CCDC178: variants seen among roughly 807,000 people sequenced by gnomAD.
The protein encoded by CCDC178 is coiled-coil domain containing 178.
In CCDC178, 126 loss-of-function variants were observed where a neutral mutation model predicts 117.4. The ratio of observed to expected loss-of-function variants is 1.07; its 90% CI spans 0.93 to 1.24. The LOEUF (loss-of-function observed/expected upper bound fraction) is 1.24. Ranked by LOEUF, CCDC178 falls within the 50% of genes most tolerant of loss-of-function variation. The pLI is 0.00. For synonymous variants in CCDC178, 283 were observed against 313.4 expected, an observed-to-expected ratio of 0.90 and a Z score of 1.02; for missense variants, 1,030 against 986.9, an observed-to-expected ratio of 1.04 and a Z score of -0.59.
intron 1 of CCDC178, among the ~76,000 whole-genome samples, 195 bp from the exon 2 acceptor site, chr18:33,440,276 C>T (rs2064361185): frequency 1.5e-5 from 2 of 129,262 alleles, no homozygotes; most frequent in South Asian, 2.5e-4. Context: ...GCTTCCCTTC[C>T]CCCGGCAGTG....
At chr18:32,944,292 A>C (rs1391154709) in intron 22 of CCDC178, among the ~76,000 whole-genome samples, 1 of 152,182 alleles carries the variant, frequency 6.6e-6, no homozygotes, top group Non-Finnish European at 1.5e-5. Context: ...ATGAGACCGG[A>C]GATGGAAAAG....
intron 5 of CCDC178, among the ~76,000 whole-genome samples, chr18:33,380,560 C>G (rs1038977637): frequency 3.3e-5 from 5 of 152,198 alleles, no homozygotes. Context: ...CTCCTTCAGC[C>G]TGGGTTGCTC....
chr18:33,010,910 T>C (rs1463717903), intron 21 of CCDC178, among the ~76,000 whole-genome samples: 1 of 152,190 alleles, frequency 6.6e-6, no homozygotes, highest in Admixed American at 6.5e-5. Flanking sequence ...TGTGTTAAGG[T>C]ATTGTAATGA....
intron 20 of CCDC178, among the ~76,000 whole-genome samples, chr18:33,117,523 C>T (rs113110875): frequency 7.1e-4 from 108 of 151,750 alleles, no homozygotes; most frequent in Middle Eastern, 3.4e-3. Context: ...TAAACTGCTT[C>T]GTTTATTGGA....
At chr18:33,013,130 A>G (rs2055907518) in intron 21 of CCDC178, among the ~76,000 whole-genome samples, 1 of 152,132 alleles carries the variant, frequency 6.6e-6, no homozygotes, top group African/African-American at 2.4e-5. Context: ...AATCTAGAAT[A>G]CTTTTATGAG....
intron 21 of CCDC178, among the ~76,000 whole-genome samples, chr18:33,036,909 C>A (rs892567883): frequency 2.0e-5 from 3 of 151,734 alleles, no homozygotes; most frequent in African/African-American, 4.8e-5. Context: ...CTGAGAGAGA[C>A]AATAGATTCA....
intron 2 of CCDC178, among the ~76,000 whole-genome samples, chr18:33,418,261 G>A (rs2063973580): frequency 6.6e-6 from 1 of 152,148 alleles, no homozygotes; most frequent in Admixed American, 6.5e-5. Context: ...AATAGATGCA[G>A]AAAAGGCTTT....
chr18:33,226,109 C>T (rs1338206043), intron 16 of CCDC178, among the ~76,000 whole-genome samples: 2 of 152,166 alleles, frequency 1.3e-5, no homozygotes, highest in South Asian at 2.1e-4. Context: ...TATGGTGAGC[C>T]AAGATCGTGC....
chr18:33,402,434 C>T (rs2063721304), intron 3 of CCDC178, among the ~76,000 whole-genome samples: 2 of 152,132 alleles, frequency 1.3e-5, no homozygotes, highest in South Asian at 2.1e-4. Flanking sequence ...TCCACATTTA[C>T]GATATCGGAG....
chr18:33,179,993 C>A (rs934572972), intron 20 of CCDC178, among the ~76,000 whole-genome samples: 2 of 151,666 alleles, frequency 1.3e-5, no homozygotes, highest in Non-Finnish European at 2.9e-5. Context: ...TTTATAACAC[C>A]AAATTATGGG....
chr18:33,231,941 A>C (rs4633796), intron 15 of CCDC178, among the ~76,000 whole-genome samples: 1 of 151,972 alleles, frequency 6.6e-6, no homozygotes, highest in African/African-American at 2.4e-5. Context: ...TGCTGCCTAC[A>C]TTTGCTATTC....
At chr18:33,054,450 T>C (rs1281915307) in intron 21 of CCDC178, among the ~76,000 whole-genome samples, 1 of 152,152 alleles carries the variant, frequency 6.6e-6, no homozygotes, top group Non-Finnish European at 1.5e-5. Context: ...GGCTGCACTG[T>C]GTGTTGTTCC....
chr18:33,052,892 T>C (rs1003619189), intron 21 of CCDC178, among the ~76,000 whole-genome samples: 1 of 152,210 alleles, frequency 6.6e-6, no homozygotes, highest in Non-Finnish European at 1.5e-5. Flanking sequence ...TGGTAAGTCA[T>C]TTCTTCATCT....
At chr18:33,421,276 T>C (rs2064020736) in intron 2 of CCDC178, among the ~76,000 whole-genome samples, 1 of 152,156 alleles carries the variant, frequency 6.6e-6, no homozygotes, top group Admixed American at 6.5e-5. Flanking sequence ...AACAAAAAGA[T>C]CTACTGCATT....
chr18:33,354,447 CT>C (rs900612274), intron 7 of CCDC178, among the ~76,000 whole-genome samples: 1 of 152,004 alleles, frequency 6.6e-6, no homozygotes, highest in Non-Finnish European at 1.5e-5. Context: ...TTATTAGGCA[CT>C]TTTCATTTTT....
chr18:33,078,251 C>T (rs1057168992), intron 21 of CCDC178, among the ~76,000 whole-genome samples: 4 of 151,952 alleles, frequency 2.6e-5, no homozygotes, highest in African/African-American at 9.7e-5. Flanking sequence ...TTAAAAACTC[C>T]CAATAAACTA....
chr18:32,982,482 TTG>T (rs889046706), intron 21 of CCDC178, among the ~76,000 whole-genome samples: 17 of 152,170 alleles, frequency 1.1e-4, no homozygotes, highest in African/African-American at 4.1e-4. Context: ...TCACAGTTCT[TTG>T]TCTATGAATA....
intron 21 of CCDC178, among the ~76,000 whole-genome samples, chr18:33,022,200 G>A (rs1479787677): frequency 6.6e-6 from 1 of 152,018 alleles, no homozygotes; most frequent in East Asian, 1.9e-4. Context: ...CCATTCTTTT[G>A]TGTGCTGGTT....
intron 11 of CCDC178, among the ~76,000 whole-genome samples, chr18:33,318,199 C>T (rs192067662): frequency 5.3e-5 from 8 of 152,296 alleles, no homozygotes; most frequent in Admixed American, 5.2e-4. Flanking sequence ...TTCTCAATTC[C>T]ATGGTCTGCA....
Sources: gnomAD v4.1 joint callset for allele counts (sites outside exome capture counted in the v4.1 genomes callset) on GRCh38, gnomAD v4.1.1 for gene constraint, MANE v1.5 for transcripts, NCBI Gene and HGNC (gene_info 2026-07-23, HGNC 2026-07-21) for gene names.